Variants in RYR3 observed in about 807,000 individuals in gnomAD.
RYR3 encodes ryanodine receptor 3, also known as brain ryanodine receptor-calcium release channel.
In RYR3, 207 loss-of-function variants were observed where a neutral mutation model predicts 584.3. That is an observed-to-expected ratio of 0.35 (90% CI 0.32 to 0.40). The LOEUF (loss-of-function observed/expected upper bound fraction) is 0.40, where lower values mean the gene tolerates loss of function less well. Among genes scored for constraint, RYR3 ranks in the 10% least tolerant of loss-of-function variants. RYR3 has a pLI of 1.00. For missense variants in RYR3, 5,616 were observed against 6,089.2 expected (o/e 0.92, Z 2.59); for synonymous variants, 2,416 against 2,248.5 (o/e 1.07, Z -2.11).
chr15:33,370,497 C>T (rs1044946752), intron 1 of RYR3, among the ~76,000 whole-genome samples: 1 of 152,164 alleles, frequency 6.6e-6, no homozygotes, highest in Non-Finnish European at 1.5e-5. Flanking sequence ...ACACAGCTGG[C>T]CATAAAGAAT....
intron 76 of RYR3, 83 bp downstream of exon 76, chr15:33,818,767 T>A: frequency 1.0e-6 from 1 of 989,780 alleles, no homozygotes; most frequent in Non-Finnish European, 1.5e-6. Context: ...CAGACGGCAG[T>A]GGGTGGAAAA....
rs1015151105 is a variant in RYR3 at position 33,613,170 on chromosome 15, C to A, written c.2165-13C>A. 2 of 1,609,936 alleles carry A rather than the reference C, an allele frequency of 1.2e-6. No homozygotes were observed. The highest frequency in any genetic ancestry group is 1.7e-6 in the Non-Finnish European group (2 of 1,177,044). On this transcript the variant is annotated splice_polypyrimidine_tract_variant and intron_variant, in intron 18 of 103. Transcript: ENST00000634891. ...AGAGTTCCACAGCCTTCTTCCTGTT[C>A]TTTCCTCACCAGGCCGGATACCCAG...
chr15:33,611,391 C>G (rs1020001647), intron 18 of RYR3, among the ~76,000 whole-genome samples: 13 of 151,820 alleles, frequency 8.6e-5, no homozygotes, highest in Admixed American at 6.6e-4. Flanking sequence ...CCCATCTCTA[C>G]TAAAAATACA....
intron 67 of RYR3, among the ~76,000 whole-genome samples, chr15:33,798,192 G>A (rs539095607): frequency 2.6e-5 from 4 of 152,122 alleles, no homozygotes; most frequent in African/African-American, 7.2e-5. Context: ...AGGCTCAAGC[G>A]GTTCTCCTGC....
intron 16 of RYR3, among the ~76,000 whole-genome samples, chr15:33,596,504 G>GGGC (rs1555547397): frequency 3.5e-5 from 5 of 143,998 alleles, no homozygotes; most frequent in African/African-American, 1.3e-4. Flanking sequence ...TTGGGGGGGG[G>GGGC]GGATTTCTGA....
In RYR3 at chr15:33,412,408, A is replaced by G. The variant is rs1294826270; in HGVS notation, c.52-61011A>G. ...AACTGACAGCGGAAACCCTGGCTCT[A>G]TTTAAGGCTTCTGGAGAGAGAGCAG... On this transcript the variant is annotated intron_variant, in intron 1 of 103. Coordinates refer to ENST00000634891, the MANE Select transcript of RYR3 (RefSeq NM_001036.6). The surrounding 1 kb of genome is among the most constrained non-coding windows in gnomAD (Gnocchi z 4.3). Among the ~76,000 whole-genome samples the G allele has an allele frequency of 1.3e-5, 2 of 152,112 alleles. No individual in the cohort carries two copies. Among genetic ancestry groups the G allele is most frequent in the Non-Finnish European group, 2.9e-5 (2 of 68,012 alleles).
intron 1 of RYR3, among the ~76,000 whole-genome samples, chr15:33,437,534 C>T (rs1399545955): frequency 2.0e-5 from 3 of 152,166 alleles, no homozygotes; most frequent in Non-Finnish European, 2.9e-5. Flanking sequence ...ACTACTCTTA[C>T]CTGAAAGGAG....
At chr15:33,637,758 A>T (rs1471216574) in intron 27 of RYR3, among the ~76,000 whole-genome samples, 1 of 152,058 alleles carries the variant, frequency 6.6e-6, no homozygotes, top group Non-Finnish European at 1.5e-5. Flanking sequence ...TCAGACACCT[A>T]TTGTTTAAAG....
chr15:33,708,293 T>C lies in RYR3; in HGVS notation c.6619+1239T>C, dbSNP rs137935671. ...AGCTCGCCAAATTATGTAAATAGATTGTTTGCAGACAAATCTGATCAAGGC... is the reference window on the plus strand; with the variant it reads ...AGCTCGCCAAATTATGTAAATAGATCGTTTGCAGACAAATCTGATCAAGGC... On this transcript the variant is annotated intron_variant, in intron 43 of 103. Transcript: ENST00000634891. Among the ~76,000 whole-genome samples, 31 of 152,288 alleles carry C rather than the reference T, an allele frequency of 2.0e-4. No individual in the cohort carries two copies. In the East Asian group the frequency reaches 5.0e-3, roughly 25 times the overall value.
intron 43 of RYR3, among the ~76,000 whole-genome samples, chr15:33,707,402 T>G (rs940753314): frequency 5.3e-5 from 8 of 152,300 alleles, no homozygotes; most frequent in Non-Finnish European, 1.2e-4. Context: ...AATGCACATG[T>G]ACATCTAGAT....
chr15:33,675,283 A>G (rs12592272), intron 38 of RYR3, among the ~76,000 whole-genome samples: 50,852 of 152,184 alleles, frequency 0.33, 10,159 homozygotes, highest in Non-Finnish European at 0.45. Flanking sequence ...CATGAGAACA[A>G]TCTGTAATAC....
At chr15:33,434,572 A>G (rs1449552069) in intron 1 of RYR3, among the ~76,000 whole-genome samples, 2 of 152,198 alleles carry the variant, frequency 1.3e-5, no homozygotes, top group African/African-American at 4.8e-5. Context: ...GAAATATTTT[A>G]TGCAAGTAAA....
At chr15:33,428,195 A>G (rs937287224) in intron 1 of RYR3, among the ~76,000 whole-genome samples, 1 of 152,220 alleles carries the variant, frequency 6.6e-6, no homozygotes, top group Non-Finnish European at 1.5e-5. Flanking sequence ...TAGATGGCGC[A>G]CATTTCCTTC....
intron 47 of RYR3, among the ~76,000 whole-genome samples, chr15:33,730,438 GTC>G (rs1335167969): frequency 1.3e-5 from 2 of 152,134 alleles, no homozygotes; most frequent in African/African-American, 4.8e-5. Flanking sequence ...CTCGTTTTAA[GTC>G]TGTATATTAA....
At chr15:33,562,533 T>C (rs545953424) in intron 10 of RYR3, among the ~76,000 whole-genome samples, 2 of 151,212 alleles carry the variant, frequency 1.3e-5, no homozygotes, top group South Asian at 4.2e-4. Context: ...ATGAGGAAAG[T>C]AGAAAATATA....
chr15:33,713,976 G>T (rs1207577433), intron 43 of RYR3, among the ~76,000 whole-genome samples: 1 of 152,092 alleles, frequency 6.6e-6, no homozygotes, highest in African/African-American at 2.4e-5. Context: ...TGGAGGGTGG[G>T]GGGGACACGA....
chr15:33,693,120 G>A (rs1362984001), intron 38 of RYR3, among the ~76,000 whole-genome samples: 1 of 152,328 alleles, frequency 6.6e-6, no homozygotes, highest in South Asian at 2.1e-4. Flanking sequence ...AGAGGAAATT[G>A]TACTGACGGG....
intron 1 of RYR3, among the ~76,000 whole-genome samples, chr15:33,410,206 C>A (rs1424514703): frequency 6.6e-6 from 1 of 152,194 alleles, no homozygotes; most frequent in African/African-American, 2.4e-5. Flanking sequence ...ACTGATTAAG[C>A]AAATCCTTGG....
At chr15:33,529,369 C>A (rs2141034076) in intron 3 of RYR3, among the ~76,000 whole-genome samples, 1 of 152,140 alleles carries the variant, frequency 6.6e-6, no homozygotes, top group Non-Finnish European at 1.5e-5. Context: ...GCTATTAATC[C>A]AAATAGAATT....
Sources: gnomAD v4.1 joint callset for allele counts (sites outside exome capture counted in the v4.1 genomes callset) on GRCh38, gnomAD v4.1.1 for gene constraint, Gnocchi (gnomAD v3.1) non-coding constraint, MANE v1.5 for transcripts, NCBI Gene and HGNC (gene_info 2026-07-23, HGNC 2026-07-21) for gene names.